The following NT5M variants were observed in gnomAD, a reference collection of about 807,000 sequenced individuals.
NT5M encodes the protein 5'(3')-deoxyribonucleotidase, mitochondrial.
Under a neutral mutation model 22.2 loss-of-function variants are expected in NT5M, and 22 were observed. The observed-to-expected ratio is 0.99, with a 90% CI of 0.71 to 1.41. NT5M has a LOEUF of 1.41. NT5M is among the 40% of genes most tolerant of loss of function. The pLI, the probability that NT5M is intolerant of heterozygous loss-of-function variation, is 0.00. For missense variants in NT5M, 322 were observed against 314.8 expected (o/e 1.02, Z -0.17); for synonymous variants, 167 against 133.0 (o/e 1.26, Z -1.76).
intron 3 of NT5M, among the ~76,000 whole-genome samples, chr17:17,336,210 G>A (rs2049508270): frequency 6.6e-6 from 1 of 151,164 alleles, no homozygotes; most frequent in South Asian, 2.1e-4. Context: ...CACCGTGTTA[G>A]CCAGGATGGT....
chr17:17,319,845 C>A (rs1011061481), intron 2 of NT5M, among the ~76,000 whole-genome samples: 8 of 152,082 alleles, frequency 5.3e-5, no homozygotes, highest in Non-Finnish European at 1.2e-4. Context: ...TTAAATATTT[C>A]TTTCTTTCTT....
At chr17:17,305,834 G>GGGTT (rs1002529684) in intron 1 of NT5M, among the ~76,000 whole-genome samples, 3 of 152,098 alleles carry the variant, frequency 2.0e-5, no homozygotes, top group African/African-American at 7.2e-5. Flanking sequence ...GGGGAGGAGA[G>GGGTT]GGTTGGTGTT....
chr17:17,309,127 C>CTT (rs35861887), intron 2 of NT5M, among the ~76,000 whole-genome samples: 2,628 of 140,434 alleles, frequency 0.019, 74 homozygotes, highest in African/African-American at 0.064. Flanking sequence ...TTCTTTCTTT[C>CTT]TTTTTTTTTT....
intron 1 of NT5M, among the ~76,000 whole-genome samples, chr17:17,305,809 C>T (rs930477581): frequency 2.6e-5 from 4 of 151,882 alleles, no homozygotes; most frequent in African/African-American, 9.7e-5. Context: ...AGAAAGGCAG[C>T]GGGGGTTGGG....
intron 3 of NT5M, among the ~76,000 whole-genome samples, chr17:17,333,760 G>A (rs1307563542): frequency 6.6e-6 from 1 of 151,540 alleles, no homozygotes; most frequent in African/African-American, 2.4e-5. Context: ...AGGTTCAAGC[G>A]ATTCTACCTG....
rs571351009 is a variant in NT5M, at chr17:17,340,460, A to AT, written c.430-4326dup. Among the ~76,000 whole-genome samples the AT allele has an allele frequency of 5.6e-4, 84 of 149,772 alleles. 1 individual carries two copies. Among genetic ancestry groups the AT allele is most frequent in the African/African-American group, 1.9e-3 (76 of 40,890 alleles). ...TCTTTTCACAAAACCAATCTTTTGTATTTTTTTTATTTCATATTCATTTAT... is the reference window on the plus strand; with the variant it reads ...TCTTTTCACAAAACCAATCTTTTGTATTTTTTTTTATTTCATATTCATTTAT... On this transcript the variant is annotated intron_variant, in intron 3 of 4. Transcript: ENST00000389022.
intron 2 of NT5M, among the ~76,000 whole-genome samples, chr17:17,314,409 A>T (rs1168267093): frequency 6.6e-6 from 1 of 152,126 alleles, no homozygotes; most frequent in Non-Finnish European, 1.5e-5. Context: ...CTCCCTGCAT[A>T]TACCCACCTT....
chr17:17,322,776 A>C (rs2049177543), intron 2 of NT5M, among the ~76,000 whole-genome samples: 1 of 152,166 alleles, frequency 6.6e-6, no homozygotes, highest in Non-Finnish European at 1.5e-5. Context: ...CGCGGAGCCA[A>C]GCCAAGCCAA....
chr17:17,309,205 A>G (rs1597743431), intron 2 of NT5M, among the ~76,000 whole-genome samples: 1 of 150,162 alleles, frequency 6.7e-6, no homozygotes, highest in East Asian at 1.9e-4. Context: ...GGCTTACTGC[A>G]GCCTTTACCG....
At chr17:17,342,900 C>G (rs1459579779) in intron 3 of NT5M, among the ~76,000 whole-genome samples, 1 of 152,230 alleles carries the variant, frequency 6.6e-6, no homozygotes, top group African/African-American at 2.4e-5. Flanking sequence ...CTCTCTGGTT[C>G]CTGGAACTGT....
rs1783864597 is a variant in NT5M, at chr17:17,303,493, T to C, written c.-58T>C. The C allele has an allele frequency of 9.8e-7, 1 of 1,019,464 alleles. No individual in the cohort carries two copies. The highest frequency in any genetic ancestry group is 1.2e-6 in the Non-Finnish European group (1 of 853,518). The allele number at this position is 1,019,464 out of a possible 1,614,324, so 63.2% of individuals were successfully genotyped here. A position where few individuals can be genotyped will look rare whatever the true frequency, so the allele number is the denominator to read the frequency against. On this transcript the variant is annotated 5_prime_UTR_variant, in exon 1 of 5. Transcript: ENST00000389022. ...TCCGCGGCGGGAATGTCTGGCCGGC[T>C]CCGGCAGCACGGCGCGGCCCAGGTC...
rs1017664347 is a variant in NT5M, at chr17:17,303,374, C to T, written c.-177C>T. On this transcript the variant is annotated 5_prime_UTR_variant, in exon 1 of 5. Coordinates refer to ENST00000389022, the MANE Select transcript of NT5M (RefSeq NM_020201.4). Reference sequence around the variant, plus strand: ...AGGGACCGCGCGCGCCGCGGCCTCGCTCTGGGGCCGGTACTTGCGCGCCCG... The same window carrying T: ...AGGGACCGCGCGCGCCGCGGCCTCGTTCTGGGGCCGGTACTTGCGCGCCCG... 4.0e-6 allele frequency: 3 copies of T among 747,116 alleles called. No homozygotes were observed. Among genetic ancestry groups the T allele is most frequent in the African/African-American group, 1.9e-5 (1 of 52,534 alleles). The allele number at this position is 747,116 out of a possible 1,614,324, so 46.3% of individuals were successfully genotyped here.
At position 17,347,193 on chromosome 17, in the gene NT5M, C is replaced by CTTGGTGCCTGCTGCCTG; in HGVS notation, c.*246_*247insTTGGTGCCTGCTGCCTG. 1 of 530,840 alleles carries CTTGGTGCCTGCTGCCTG rather than the reference C, an allele frequency of 1.9e-6. No individual in the cohort carries two copies. Among genetic ancestry groups the CTTGGTGCCTGCTGCCTG allele is most frequent in the Non-Finnish European group, 3.3e-6 (1 of 302,244 alleles). 32.9% of individuals were successfully genotyped at this position (530,840 alleles called of 1,614,324 possible). On this transcript the variant is annotated 3_prime_UTR_variant, in exon 5 of 5. Transcript: ENST00000389022. Reference sequence around the variant, plus strand: ...GGCCGTTCAGCCTGACCTCAGGCAGCAGGCACCAAGCTGCCAGAAGCCCAG... The same window carrying CTTGGTGCCTGCTGCCTG: ...GGCCGTTCAGCCTGACCTCAGGCAGCTTGGTGCCTGCTGCCTGAGGCACCAAGCTGCCAGAAGCCCAG...
chr17:17,314,190 C>G (rs542993340), intron 2 of NT5M, among the ~76,000 whole-genome samples: 1 of 152,034 alleles, frequency 6.6e-6, no homozygotes, highest in Non-Finnish European at 1.5e-5. Flanking sequence ...CCCGCCACCA[C>G]GCCCGGCTAA....
At chr17:17,338,814 C>T (rs2049579095) in intron 3 of NT5M, among the ~76,000 whole-genome samples, 2 of 149,670 alleles carry the variant, frequency 1.3e-5, no homozygotes, top group Admixed American at 1.3e-4. Flanking sequence ...GCAAGCTCCA[C>T]CTCCCAGGTT....
intron 3 of NT5M, among the ~76,000 whole-genome samples, chr17:17,328,821 CCTT>C (rs2049314944): frequency 1.3e-5 from 2 of 152,122 alleles, no homozygotes; most frequent in Admixed American, 6.6e-5. Flanking sequence ...GTTGCCAGAA[CCTT>C]CTTTCTGGCT....
intron 1 of NT5M, among the ~76,000 whole-genome samples, chr17:17,305,415 C>T: frequency 7.1e-6 from 1 of 140,326 alleles, no homozygotes; most frequent in Non-Finnish European, 1.6e-5. Context: ...CCCGCCCCCA[C>T]ACACGTGGCT....
At chr17:17,325,248 C>T (rs2049241248) in intron 3 of NT5M, among the ~76,000 whole-genome samples, 3 of 152,180 alleles carry the variant, frequency 2.0e-5, no homozygotes, top group Non-Finnish European at 4.4e-5. Flanking sequence ...TCATCCGTTC[C>T]TGGGGATTTA....
intron 3 of NT5M, among the ~76,000 whole-genome samples, chr17:17,330,668 G>A (rs1008279633): frequency 1.3e-5 from 2 of 150,936 alleles, no homozygotes; most frequent in Non-Finnish European, 2.9e-5. Context: ...GAGCCACCGC[G>A]CCTGGCCAAC....
Sources: gnomAD v4.1 joint callset for allele counts (sites outside exome capture counted in the v4.1 genomes callset) on GRCh38, gnomAD v4.1.1 for gene constraint, MANE v1.5 for transcripts, NCBI Gene and HGNC (gene_info 2026-07-23, HGNC 2026-07-21) for gene names.